DOCK2: variants seen among roughly 807,000 people sequenced by gnomAD.
The protein encoded by DOCK2 is dedicator of cytokinesis protein 2.
A neutral mutation model predicts 248.9 loss-of-function variants in DOCK2; 87 were observed. That is an observed-to-expected ratio of 0.35 (90% CI 0.29 to 0.42). The LOEUF is 0.42. Among genes scored for constraint, DOCK2 ranks in the 10% least tolerant of loss-of-function variants. DOCK2 has a pLI of 1.00. For missense variants in DOCK2, 1,747 were observed against 2,300.2 expected (o/e 0.76, Z 4.92); for synonymous variants, 805 against 821.6 (o/e 0.98, Z 0.35).
chr5:169,960,815 CAT>C (rs1377814729), intron 27 of DOCK2, among the ~76,000 whole-genome samples: 5 of 152,174 alleles, frequency 3.3e-5, no homozygotes, highest in African/African-American at 1.2e-4. Flanking sequence ...TGTTCTGAGT[CAT>C]GTGATGAAAT....
At chr5:169,686,226 A>G (rs905349747) in intron 8 of DOCK2, among the ~76,000 whole-genome samples, 5 of 152,232 alleles carry the variant, frequency 3.3e-5, no homozygotes, top group Non-Finnish European at 7.3e-5. Flanking sequence ...GAGAGGAAAC[A>G]GTATGGGGCC....
chr5:169,900,260 A>C (rs1017015607), intron 27 of DOCK2, among the ~76,000 whole-genome samples: 1 of 152,186 alleles, frequency 6.6e-6, no homozygotes, highest in Non-Finnish European at 1.5e-5. Context: ...TGGGACCTTT[A>C]GACAACCCTA....
chr5:169,979,584 C>T (rs1169773005), intron 27 of DOCK2, among the ~76,000 whole-genome samples: 1 of 152,174 alleles, frequency 6.6e-6, no homozygotes, highest in Admixed American at 6.5e-5. Flanking sequence ...GGTGTGATTT[C>T]CCACAGATCT....
intron 27 of DOCK2, among the ~76,000 whole-genome samples, chr5:169,846,045 G>C (rs1770281042): frequency 6.6e-6 from 1 of 152,066 alleles, no homozygotes; most frequent in Admixed American, 6.5e-5. Context: ...AATTTGACAA[G>C]GAGGAGAGAT....
At chr5:169,655,432 AG>A (rs1758053603) in intron 2 of DOCK2, among the ~76,000 whole-genome samples, 1 of 152,216 alleles carries the variant, frequency 6.6e-6, no homozygotes, top group African/African-American at 2.4e-5. Flanking sequence ...GGGAGGAGGC[AG>A]GTGTGCCACT....
chr5:169,724,517 C>T (rs973380093), intron 22 of DOCK2, among the ~76,000 whole-genome samples: 2 of 152,008 alleles, frequency 1.3e-5, no homozygotes, highest in African/African-American at 4.8e-5. Context: ...AAGCTTCATC[C>T]TGCTCCCTAC....
chr5:170,019,044 C>T lies in DOCK2; in HGVS notation c.3317C>T (p.Ala1106Val). 1 of 1,614,102 alleles carries T rather than the reference C, an allele frequency of 6.2e-7. No individual in the cohort carries two copies. Among genetic ancestry groups the T allele is most frequent in the Non-Finnish European group, 8.5e-7 (1 of 1,179,962 alleles). Residue 1106 changes from alanine to valine, a missense_variant, in exon 33 of 52, where the codon GCC (alanine) becomes GTC (valine). Ala to Val is a moderately conservative substitution (Grantham distance 64, BLOSUM62 0). This residue lies in a region of DOCK2 where 858 missense variants were observed against 1,183.5 expected (regional missense o/e 0.72). Coordinates refer to ENST00000520908, the MANE Select transcript of DOCK2 (RefSeq NM_004946.3). ...ATCCCTGAGGCTGAGCTCCGGAAAGCCACCATACCAATCTTCTTCGACATG... is the reference window on the plus strand; with the variant it reads ...ATCCCTGAGGCTGAGCTCCGGAAAGTCACCATACCAATCTTCTTCGACATG... ...TLIPEAELRK[A>V]TIPIFFDMML...
At chr5:169,666,497 A>G (rs547826629) in intron 2 of DOCK2, among the ~76,000 whole-genome samples, 5 of 152,330 alleles carry the variant, frequency 3.3e-5, no homozygotes, top group African/African-American at 9.6e-5. Context: ...ATGCCATGTT[A>G]CACTGAGCCT....
intron 28 of DOCK2, among the ~76,000 whole-genome samples, chr5:169,984,949 T>G (rs1778028229): frequency 6.6e-6 from 1 of 152,166 alleles, no homozygotes; most frequent in Non-Finnish European, 1.5e-5. Context: ...AGACAGAATC[T>G]CGCTCTGTCA....
At chr5:169,796,317 T>G (rs1033535094) in intron 25 of DOCK2, among the ~76,000 whole-genome samples, 7 of 152,098 alleles carry the variant, frequency 4.6e-5, no homozygotes, top group African/African-American at 1.7e-4. Context: ...GTGTCCATCT[T>G]GTCTTATGTT....
chr5:169,684,123 T>C, intron 7 of DOCK2, 73 bp from the exon 8 acceptor site: 1 of 1,570,728 alleles, frequency 6.4e-7, no homozygotes, highest in Non-Finnish European at 8.7e-7. Context: ...TATCCTTGAC[T>C]ATCTCTCTGT....
At chr5:169,829,925 A>C (rs1769114980) in intron 26 of DOCK2, among the ~76,000 whole-genome samples, 1 of 152,220 alleles carries the variant, frequency 6.6e-6, no homozygotes, top group Non-Finnish European at 1.5e-5. Flanking sequence ...CTTCCTGGAA[A>C]GTAGACTGGA....
intron 28 of DOCK2, 101 bp downstream of exon 28, chr5:169,983,267 GA>G (rs1777986604): frequency 8.0e-7 from 1 of 1,242,590 alleles, no homozygotes; most frequent in Non-Finnish European, 1.2e-6. Context: ...ACATAATCTA[GA>G]TATGACTTAA....
chr5:169,671,907 G>T (rs999528013), intron 5 of DOCK2, among the ~76,000 whole-genome samples: 1 of 152,136 alleles, frequency 6.6e-6, no homozygotes, highest in Non-Finnish European at 1.5e-5. Flanking sequence ...AATTTTACAT[G>T]TTTCTCAAAG....
chr5:170,007,936 G>A (rs569000364), intron 30 of DOCK2, among the ~76,000 whole-genome samples: 1 of 152,196 alleles, frequency 6.6e-6, no homozygotes, highest in Non-Finnish European at 1.5e-5. Flanking sequence ...CCCAGGTGCT[G>A]CTGCTGATCT....
Position 169,892,560 on chromosome 5 carries a change from T to A in DOCK2, c.2799+51708T>A, listed in dbSNP as rs947243787. The stretch of plus-strand genomic sequence containing the variant: ...CTAGTGGAGAAGACAGGCTTTCTGA[T>A]CCCAGAGGCCTCTCCGATGGATGGG... On this transcript the variant is annotated intron_variant, in intron 27 of 51. Transcript: ENST00000520908. Among the ~76,000 whole-genome samples, 3 of 152,322 alleles carry A rather than the reference T, an allele frequency of 2.0e-5. No individual in the cohort carries two copies. The South Asian group carries it at 6.2e-4, about 32-fold the overall frequency.
chr5:169,684,991 A>C (rs1433306844), intron 8 of DOCK2, among the ~76,000 whole-genome samples: 1 of 152,220 alleles, frequency 6.6e-6, no homozygotes, highest in Non-Finnish European at 1.5e-5. Flanking sequence ...GAATGCTCCA[A>C]ATCCTCTGTA....
At chr5:169,638,868 A>G (rs1426230740) in intron 1 of DOCK2, among the ~76,000 whole-genome samples, 1 of 152,198 alleles carries the variant, frequency 6.6e-6, no homozygotes, top group African/African-American at 2.4e-5. Flanking sequence ...CCTTAAATTC[A>G]ATTGTCTTCA....
intron 10 of DOCK2, 97 bp downstream of exon 10, chr5:169,696,035 C>T: frequency 7.0e-7 from 1 of 1,433,386 alleles, no homozygotes; most frequent in Admixed American, 3.0e-5. Context: ...CCTCCTGCTG[C>T]CCCCACCCCT....
Sources: allele counts gnomAD v4.1 joint callset (sites outside exome capture counted in the v4.1 genomes callset), GRCh38; gene constraint gnomAD v4.1.1; regional missense constraint gnomAD v4.1.1; transcripts MANE v1.5; gene names NCBI Gene and HGNC (gene_info 2026-07-23, HGNC 2026-07-21).